The following ANKRD44 variants were observed in gnomAD, a reference collection of about 807,000 sequenced individuals.
The protein encoded by ANKRD44 is serine/threonine-protein phosphatase 6 regulatory ankyrin repeat subunit B.
Under a neutral mutation model 116.0 loss-of-function variants are expected in ANKRD44, and 35 were observed. The ratio of observed to expected loss-of-function variants is 0.30; its 90% confidence interval spans 0.23 to 0.40. ANKRD44 has a LOEUF of 0.40. Among genes scored for constraint, ANKRD44 ranks in the 10% least tolerant of loss-of-function variants. ANKRD44 has a pLI of 1.00. For synonymous variants in ANKRD44, 435 were observed against 461.8 expected (o/e 0.94, Z 0.74); for missense variants, 1,014 against 1,242.6 (o/e 0.82, Z 2.77).
chr2:197,077,575 A>T (rs1261601285), intron 16 of ANKRD44, among the ~76,000 whole-genome samples: 1 of 152,218 alleles, frequency 6.6e-6, no homozygotes, highest in Admixed American at 6.5e-5. Context: ...GCTTTGTACG[A>T]ACTACACCCC....
At chr2:197,271,309 C>T (rs1197228025) in intron 1 of ANKRD44, among the ~76,000 whole-genome samples, 4 of 152,166 alleles carry the variant, frequency 2.6e-5, no homozygotes, top group South Asian at 2.1e-4. Flanking sequence ...CCTTATAAAA[C>T]AGGCCTGAGG....
chr2:197,155,896 A>G (rs1387519697), intron 2 of ANKRD44, among the ~76,000 whole-genome samples: 2 of 152,226 alleles, frequency 1.3e-5, no homozygotes, highest in African/African-American at 4.8e-5. Flanking sequence ...CTGGGGGAAC[A>G]TATTTGTAAA....
At chr2:197,164,822 T>C (rs1441254087) in intron 2 of ANKRD44, among the ~76,000 whole-genome samples, 1 of 152,072 alleles carries the variant, frequency 6.6e-6, no homozygotes, top group Non-Finnish European at 1.5e-5. Context: ...TTGAGGGTTT[T>C]TTTTTTCCAT....
intron 2 of ANKRD44, among the ~76,000 whole-genome samples, chr2:197,158,654 AG>A (rs2079881235): frequency 6.6e-6 from 1 of 152,238 alleles, no homozygotes; most frequent in Admixed American, 6.5e-5. Flanking sequence ...TCAAAATCAC[AG>A]GAGAGGAAGC....
At chr2:196,978,905 A>AC (rs2075778714) in intron 21 of ANKRD44, among the ~76,000 whole-genome samples, 3 of 151,538 alleles carry the variant, frequency 2.0e-5, no homozygotes, top group African/African-American at 7.2e-5. Context: ...GTTTTAAAAA[A>AC]AAAAAAGGCG....
chr2:197,009,550 G>A (rs572588505), intron 18 of ANKRD44, among the ~76,000 whole-genome samples: 2 of 152,176 alleles, frequency 1.3e-5, no homozygotes, highest in South Asian at 4.2e-4. Context: ...TGCATTTTTA[G>A]TAGAGATGGG....
chr2:197,111,446 C>T (rs2078563178), intron 8 of ANKRD44, among the ~76,000 whole-genome samples: 1 of 152,182 alleles, frequency 6.6e-6, no homozygotes, highest in Middle Eastern at 3.4e-3. Flanking sequence ...CAAGAACAGC[C>T]CGGCCAACAT....
intron 4 of ANKRD44, 145 bp downstream of exon 4, chr2:197,136,447 C>A: frequency 1.4e-6 from 1 of 714,924 alleles, no homozygotes. Flanking sequence ...AGGAGATACT[C>A]AAATAAAAGC....
chr2:197,051,416 G>A (rs1374272969), intron 16 of ANKRD44, among the ~76,000 whole-genome samples: 1 of 151,658 alleles, frequency 6.6e-6, no homozygotes, highest in Non-Finnish European at 1.5e-5. Context: ...ATTTTAGAGA[G>A]AGGGTCTTGT....
At position 197,224,098 on chromosome 2, in the gene ANKRD44, C is replaced by A. The variant is rs1256287114; in HGVS notation, c.28-36992G>T. Among the ~76,000 whole-genome samples the A allele has an allele frequency of 5.3e-5, 8 of 152,296 alleles. No individual in the cohort carries two copies. The East Asian group carries it at 1.5e-3, about 29-fold the overall frequency. ...ATGGAAAGGATCTTGGTCCCTTAAA[C>A]TGTTCCCTGAAGACATTCTGCATTC... On this transcript the variant is annotated intron_variant, in intron 1 of 27. Coordinates refer to ENST00000282272, the MANE Select transcript of ANKRD44 (RefSeq NM_001195144.2).
chr2:196,983,713 T>C (rs1326565931), downstream of ANKRD44, among the ~76,000 whole-genome samples: 1 of 152,204 alleles, frequency 6.6e-6, no homozygotes, highest in Non-Finnish European at 1.5e-5. Flanking sequence ...CTTCATTAAA[T>C]TGACATTTAA....
chr2:197,276,401 C>T (rs1444930642), intron 1 of ANKRD44, among the ~76,000 whole-genome samples: 4 of 151,736 alleles, frequency 2.6e-5, no homozygotes, highest in South Asian at 4.1e-4. Context: ...CTATAACACA[C>T]CTGTATTGCT....
chr2:197,013,486 T>TA (rs2076334584), intron 18 of ANKRD44, 25 bp downstream of exon 18: 1 of 1,609,674 alleles, frequency 6.2e-7, no homozygotes, highest in Middle Eastern at 1.7e-4. Context: ...AAAACTAGGG[T>TA]AATCAGGCCC....
At chr2:197,062,367 G>T (rs2077333828) in intron 16 of ANKRD44, among the ~76,000 whole-genome samples, 1 of 152,200 alleles carries the variant, frequency 6.6e-6, no homozygotes, top group South Asian at 2.1e-4. Flanking sequence ...GAGGATACAT[G>T]AGGTTATCAG....
intron 16 of ANKRD44, among the ~76,000 whole-genome samples, chr2:197,062,481 T>C (rs1317922971): frequency 6.6e-6 from 1 of 152,152 alleles, no homozygotes; most frequent in Non-Finnish European, 1.5e-5. Context: ...ATACCCTACT[T>C]AGAAGGGACA....
At chr2:196,978,310 G>A (rs190905090) in intron 21 of ANKRD44, among the ~76,000 whole-genome samples, 1 of 152,138 alleles carries the variant, frequency 6.6e-6, no homozygotes, top group Non-Finnish European at 1.5e-5. Flanking sequence ...ATGATTGGAA[G>A]CTTCCTGAGG....
chr2:197,196,139 G>A (rs907859500), intron 1 of ANKRD44, among the ~76,000 whole-genome samples: 1 of 152,112 alleles, frequency 6.6e-6, no homozygotes, highest in Non-Finnish European at 1.5e-5. Context: ...ATCTTGGCTT[G>A]GGTTACATTC....
intron 7 of ANKRD44, among the ~76,000 whole-genome samples, chr2:197,122,007 C>T (rs1223881599): frequency 6.6e-6 from 1 of 151,972 alleles, no homozygotes; most frequent in African/African-American, 2.4e-5. Flanking sequence ...TCAGAATCCA[C>T]TCTCTGTTTT....
chr2:197,279,578 G>C (rs535066748), intron 1 of ANKRD44, among the ~76,000 whole-genome samples: 2 of 152,050 alleles, frequency 1.3e-5, no homozygotes, highest in African/African-American at 4.8e-5. Context: ...CAAGCTGCTC[G>C]CTTCACTGTT....
Sources: allele counts gnomAD v4.1 joint callset (sites outside exome capture counted in the v4.1 genomes callset), GRCh38; gene constraint gnomAD v4.1.1; transcripts MANE v1.5; gene names NCBI Gene and HGNC (gene_info 2026-07-23, HGNC 2026-07-21).